DPPA2: variants seen among roughly 807,000 people sequenced by gnomAD.
DPPA2 encodes the protein developmental pluripotency associated 2, also known as developmental pluripotency-associated protein 2.
DPPA2 carries 26 observed loss-of-function variants against 36.2 expected under a neutral mutation model. The observed-to-expected ratio is 0.72, with a 90% CI of 0.53 to 1.00. The LOEUF (loss-of-function observed/expected upper bound fraction) is 1.00, where lower values mean the gene tolerates loss of function less well. DPPA2 is among the 50% of genes least tolerant of loss of function. The pLI, the probability that DPPA2 is intolerant of heterozygous loss-of-function variation, is 0.00. For synonymous variants in DPPA2, 113 were observed against 123.2 expected, an observed-to-expected ratio of 0.92 and a Z score of 0.55; for missense variants, 361 against 365.1, an observed-to-expected ratio of 0.99 and a Z score of 0.09.
intron 1 of DPPA2, 30 bp from the exon 2 acceptor site, chr3:109,314,585 G>A: frequency 6.3e-7 from 1 of 1,589,432 alleles, no homozygotes; most frequent in Non-Finnish European, 8.6e-7. Flanking sequence ...CAATGTTAAG[G>A]ATATGGTAGT....
At position 109,308,977 on chromosome 3, in the gene DPPA2, A is replaced by C. The variant is rs1401775322; in HGVS notation, c.396+49T>G. The C allele has an allele frequency of 2.5e-6, 4 of 1,610,854 alleles. No homozygotes were observed. The South Asian group carries it at 4.4e-5, about 18-fold the overall frequency. Reference sequence around the variant, plus strand: ...ATGGTGCGACGGTAGGGACCGGACGAATCATGATCAGAACCCACCTTCACA... The same window carrying C: ...ATGGTGCGACGGTAGGGACCGGACGCATCATGATCAGAACCCACCTTCACA... On this transcript the variant is annotated intron_variant, in intron 5 of 8. Transcript: ENST00000478945.
chr3:109,303,249 G>A (rs1162130993), intron 7 of DPPA2, among the ~76,000 whole-genome samples: 1 of 151,734 alleles, frequency 6.6e-6, no homozygotes, highest in Non-Finnish European at 1.5e-5. Flanking sequence ...TTATTTCCCT[G>A]TGTTTGTACT....
At chr3:109,307,359 T>C (rs1707590854) in intron 6 of DPPA2, among the ~76,000 whole-genome samples, 1 of 151,702 alleles carries the variant, frequency 6.6e-6, no homozygotes, top group Non-Finnish European at 1.5e-5. Context: ...CCCAACACTT[T>C]GGGAGGCCGA....
intron 2 of DPPA2, 128 bp downstream of exon 2, chr3:109,314,382 A>T: frequency 1.1e-6 from 1 of 900,710 alleles, no homozygotes; most frequent in Non-Finnish European, 1.6e-6. Flanking sequence ...AAAGAAGAGG[A>T]GGTTTCAAGA....
At position 109,312,626 on chromosome 3, in the gene DPPA2, C is replaced by T; in HGVS notation, c.100G>A (p.Asp34Asn). 1 of 1,613,906 alleles carries T rather than the reference C, an allele frequency of 6.2e-7. No homozygotes were observed. Among genetic ancestry groups the T allele is most frequent in the South Asian group, 1.1e-5 (1 of 91,050 alleles). Residue 34 changes from aspartate to asparagine, a missense_variant, in exon 3 of 9, where the codon GAC (aspartate) becomes AAC (asparagine). Coordinates refer to ENST00000478945, the MANE Select transcript of DPPA2 (RefSeq NM_138815.4). ...VILTLVPVKD[D>N]ANMEQMEPSV... ...GGTTCCATTTGTTCCATATTTGCGT[C>T]ATCTTTAACTGGCACCAGTGTCAAA...
chr3:109,304,564 C>G lies in DPPA2; in HGVS notation c.765G>C (p.Arg255Ser), dbSNP rs752800931. The change falls in exon 7 of 9, where the codon AGG becomes AGC. Residue 255 changes from arginine to serine, a missense_variant. Transcript: ENST00000478945. ...AGQAWVPTTH[R>S]RMISLFLLPA... ...GTAACAAGAAGAGAGAAATCATCCTCCTGTGAGTGGTAGGCACCCAGGCCT... is the reference window on the plus strand; with the variant it reads ...GTAACAAGAAGAGAGAAATCATCCTGCTGTGAGTGGTAGGCACCCAGGCCT... The G allele has an allele frequency of 4.3e-6, 7 of 1,614,114 alleles. No individual in the cohort carries two copies. Among genetic ancestry groups the G allele is most frequent in the Non-Finnish European group, 5.9e-6 (7 of 1,180,030 alleles).
chr3:109,301,489 T>G (rs1199543851), intron 7 of DPPA2, among the ~76,000 whole-genome samples: 1 of 151,782 alleles, frequency 6.6e-6, no homozygotes, highest in Admixed American at 6.6e-5. Context: ...CCATCTCCAC[T>G]AAAAATACAA....
At chr3:109,300,551 G>A (rs1450592755) in intron 7 of DPPA2, 116 bp from the exon 8 acceptor site, 6 of 998,056 alleles carry the variant, frequency 6.0e-6, no homozygotes, top group Non-Finnish European at 7.8e-6. Flanking sequence ...GCCGGGTGTG[G>A]TGGCTCACGC....
chr3:109,312,419 CAGATT>C, intron 3 of DPPA2, 121 bp downstream of exon 3: 1 of 1,247,874 alleles, frequency 8.0e-7, no homozygotes, highest in South Asian at 1.9e-5. Context: ...TTTCTTAACA[CAGATT>C]AACAAGGTGA....
Position 109,308,169 on chromosome 3 carries a change from G to T in DPPA2, c.521C>A (p.Thr174Lys). 6.2e-7 allele frequency: 1 copy of T among 1,614,206 alleles called. No individual in the cohort carries two copies. Among genetic ancestry groups the T allele is most frequent in the African/African-American group, 1.3e-5 (1 of 75,060 alleles). ...EMNERAEETN[T>K]VEVITSAPGA... ...CGGTGCTGAAGTTATCACTTCAACT[G>T]TATTGGTCTCTTCTGCTCTCTCATT... Residue 174 changes from threonine to lysine, a missense_variant, in exon 6 of 9, where the codon ACA (threonine) becomes AAA (lysine). Thr to Lys is a moderately conservative substitution (Grantham distance 78). Transcript: ENST00000478945.
At chr3:109,304,208 G>A (rs558397257) in intron 7 of DPPA2, among the ~76,000 whole-genome samples, 3 of 152,018 alleles carry the variant, frequency 2.0e-5, no homozygotes, top group East Asian at 3.9e-4. Flanking sequence ...AGGAGGCAGA[G>A]GTTGCAGTGA....
chr3:109,313,179 A>T (rs1342256257), intron 2 of DPPA2, among the ~76,000 whole-genome samples: 1 of 152,176 alleles, frequency 6.6e-6, no homozygotes, highest in East Asian at 1.9e-4. Flanking sequence ...GCTTGTTGAA[A>T]ATTATTCAAT....
chr3:109,309,751 C>T (rs1447501626), intron 3 of DPPA2, among the ~76,000 whole-genome samples: 1 of 150,274 alleles, frequency 6.7e-6, no homozygotes, highest in Non-Finnish European at 1.5e-5. Context: ...TTTGCATATA[C>T]ACATATCAAT....
At chr3:109,304,845 A>G (rs994808320) in intron 6 of DPPA2, among the ~76,000 whole-genome samples, 175 bp from the exon 7 acceptor site, 1 of 152,168 alleles carries the variant, frequency 6.6e-6, no homozygotes, top group Non-Finnish European at 1.5e-5. Context: ...TACATAACAC[A>G]AAGAATAGTA....
chr3:109,299,331 C>T (rs1707416168), intron 8 of DPPA2, among the ~76,000 whole-genome samples: 1 of 151,916 alleles, frequency 6.6e-6, no homozygotes, highest in Admixed American at 6.6e-5. Flanking sequence ...GCCAATATGG[C>T]AAAACCCCGT....
chr3:109,310,569 G>A (rs1278741798), intron 3 of DPPA2, among the ~76,000 whole-genome samples: 2 of 149,678 alleles, frequency 1.3e-5, no homozygotes, highest in East Asian at 2.1e-4. Context: ...GCAGTGGCGC[G>A]ATCTCAGCTC....
chr3:109,309,377 G>T lies in DPPA2; in HGVS notation c.182-47C>A, dbSNP rs116681953. On this transcript the variant is annotated intron_variant, in intron 3 of 8. Transcript: ENST00000478945. ...AGTAGTAATAATTTAAAGTTGGCAA[G>T]ATTATTTTAAAATTTTACAAAGATC... The T allele has an allele frequency of 2.4e-3, 3,812 of 1,605,718 alleles. 68 individuals are homozygous for T. The African/African-American group carries it at 0.042, about 18-fold the overall frequency.
In DPPA2 at chr3:109,316,499, A is replaced by T. The variant is rs1707788162; in HGVS notation, c.-229T>A. On this transcript the variant is annotated 5_prime_UTR_variant, in exon 1 of 9. An upstream open reading frame in the 5' UTR loses its in-frame stop. Coordinates refer to ENST00000478945, the MANE Select transcript of DPPA2 (RefSeq NM_138815.4). ...GAAGTCTAGAAGCCTTAGCTAGATC[A>T]GGCCATAAACAAAGGGCTTTGGAGA... The T allele has an allele frequency of 6.6e-6, 1 of 152,280 alleles. No individual in the cohort carries two copies. The highest frequency in any genetic ancestry group is 1.5e-5 in the Non-Finnish European group (1 of 68,132). 9.4% of individuals were successfully genotyped at this position (152,280 alleles called of 1,614,324 possible). A position where few individuals can be genotyped will look rare whatever the true frequency, so the allele number is the denominator to read the frequency against.
intron 7 of DPPA2, 144 bp downstream of exon 7, chr3:109,304,331 T>C: frequency 1.3e-6 from 1 of 777,044 alleles, no homozygotes; most frequent in Non-Finnish European, 2.0e-6. Flanking sequence ...TGAGTTCTTC[T>C]TGCATCCTAT....
Sources: allele counts gnomAD v4.1 joint callset (sites outside exome capture counted in the v4.1 genomes callset), GRCh38; gene constraint gnomAD v4.1.1; transcripts MANE v1.5; gene names NCBI Gene and HGNC (gene_info 2026-07-23, HGNC 2026-07-21).